Variants in APAF1 observed in about 807,000 individuals in gnomAD.
APAF1 encodes apoptotic protease-activating factor 1.
A neutral mutation model predicts 152.4 loss-of-function variants in APAF1; 91 were observed. The observed-to-expected ratio is 0.60, with a 90% CI of 0.50 to 0.71. APAF1 has a LOEUF of 0.71. Among genes scored for constraint, APAF1 ranks in the 30% least tolerant of loss-of-function variants. The probability of loss-of-function intolerance (pLI) is 0.00; values close to 1 mark genes in which losing one functional copy is unlikely to be tolerated. For missense variants in APAF1, 1,283 were observed against 1,472.0 expected (o/e 0.87, Z 2.10); for synonymous variants, 484 against 494.1 (o/e 0.98, Z 0.27).
In APAF1 at chr12:98,725,493, G is replaced by A. The variant is rs2097749122; in HGVS notation, c.3409G>A (p.Val1137Met). 1 of 1,614,052 alleles carries A rather than the reference G, an allele frequency of 6.2e-7. No individual in the cohort carries two copies. Among genetic ancestry groups the A allele is most frequent in the Admixed American group, 1.7e-5 (1 of 60,004 alleles). Residue 1137 changes from valine to methionine, a missense_variant, in exon 25 of 27, where the codon GTG becomes ATG. Physicochemically the swap from Val to Met is conservative, Grantham distance 21. Coordinates refer to ENST00000551964, the MANE Select transcript of APAF1 (RefSeq NM_181861.2). ...NGCVRCSAFS[V>M]DSTLLATGDD... is the part of the protein sequence containing the mutation. Reference sequence around the variant, plus strand: ...CTGTGTGCGCTGCTCTGCCTTCTCTGTGGACAGTACCCTGCTGGCAACGGG... The same window carrying A: ...CTGTGTGCGCTGCTCTGCCTTCTCTATGGACAGTACCCTGCTGGCAACGGG...
chr12:98,723,773 A>G lies in APAF1; in HGVS notation c.3330+9A>G, dbSNP rs78804831. 6.6e-5 allele frequency: 107 copies of G among 1,613,800 alleles called. No individual in the cohort carries two copies. In the East Asian group the frequency reaches 2.3e-3, roughly 35 times the overall value. On this transcript the variant is annotated intron_variant, in intron 24 of 26. Transcript: ENST00000551964. Reference sequence around the variant, plus strand: ...CTGACAAGACTGCAAAGGTAGGTCAATCAATTGAAACCATGCATAAAACTT... The same window carrying G: ...CTGACAAGACTGCAAAGGTAGGTCAGTCAATTGAAACCATGCATAAAACTT...
chr12:98,661,397 T>A (rs540914487), intron 5 of APAF1, among the ~76,000 whole-genome samples: 1 of 152,374 alleles, frequency 6.6e-6, no homozygotes, highest in African/African-American at 2.4e-5. Flanking sequence ...CATATTTTTT[T>A]AATCTCTCAG....
chr12:98,655,717 C>T (rs1342146064), intron 4 of APAF1, among the ~76,000 whole-genome samples: 1 of 151,984 alleles, frequency 6.6e-6, no homozygotes. Context: ...AGGCTCAGGT[C>T]ATCCTCCCAC....
At chr12:98,688,236 G>A (rs2097700083) in intron 16 of APAF1, among the ~76,000 whole-genome samples, 1 of 152,004 alleles carries the variant, frequency 6.6e-6, no homozygotes, top group Non-Finnish European at 1.5e-5. Flanking sequence ...TATTATTCCT[G>A]TCTCTATTGT....
chr12:98,687,045 A>G (rs2097698735), intron 16 of APAF1, among the ~76,000 whole-genome samples, 172 bp downstream of exon 16: 1 of 152,198 alleles, frequency 6.6e-6, no homozygotes, highest in South Asian at 2.1e-4. Context: ...ATTGTTTATG[A>G]ATGGTGTACA....
At chr12:98,689,463 A>T (rs60735761) in intron 16 of APAF1, among the ~76,000 whole-genome samples, 10,071 of 93,494 alleles carry the variant, frequency 0.11, 755 homozygotes, top group African/African-American at 0.3. Flanking sequence ...AGAGAGAGAG[A>T]GTGTGTGTGT....
chr12:98,710,951 A>G (rs991950599), intron 20 of APAF1, among the ~76,000 whole-genome samples: 9 of 152,214 alleles, frequency 5.9e-5, no homozygotes, highest in African/African-American at 1.9e-4. Context: ...ATTCAGGAGT[A>G]GATACTGGGA....
chr12:98,710,463 GGA>G (rs1409069463), intron 20 of APAF1, among the ~76,000 whole-genome samples: 1 of 152,150 alleles, frequency 6.6e-6, no homozygotes, highest in Non-Finnish European at 1.5e-5. Flanking sequence ...AAGCTAGAGA[GGA>G]GAGAGAGGAG....
chr12:98,682,202 C>T (rs1046591289), intron 14 of APAF1, among the ~76,000 whole-genome samples: 1 of 151,756 alleles, frequency 6.6e-6, no homozygotes, highest in East Asian at 1.9e-4. Context: ...TACAGGCGGC[C>T]GCCACCGCGC....
chr12:98,654,658 C>T (rs772132639), intron 4 of APAF1, among the ~76,000 whole-genome samples: 60 of 152,132 alleles, frequency 3.9e-4, no homozygotes, highest in Middle Eastern at 3.4e-3. Flanking sequence ...CCCCTCGCCT[C>T]GGCCTCCCAA....
chr12:98,708,724 C>T lies in APAF1; in HGVS notation c.2841+20C>T, dbSNP rs578193557. ...CTGCAAGTGAGTATTTTTTAGAAAA[C>T]AATTGGAAAATTGTTTTGGTTGAAT... is the stretch of plus-strand genomic sequence containing the variant. On this transcript the variant is annotated intron_variant, in intron 20 of 26. Transcript: ENST00000551964. 1.9e-6 allele frequency: 3 copies of T among 1,609,548 alleles called. No individual in the cohort carries two copies. The highest frequency in any genetic ancestry group is 2.5e-6 in the Non-Finnish European group (3 of 1,177,528).
intron 22 of APAF1, among the ~76,000 whole-genome samples, chr12:98,719,891 T>C (rs1027722256): frequency 1.3e-5 from 2 of 152,184 alleles, no homozygotes; most frequent in Non-Finnish European, 2.9e-5. Context: ...TTTAATTGTA[T>C]TGTTAAAAAC....
rs370928764 is a variant in APAF1, at chr12:98,659,192, G to C, written c.559G>C (p.Val187Leu). The C allele has an allele frequency of 6.2e-7, 1 of 1,614,204 alleles. No homozygotes were observed. The highest frequency in any genetic ancestry group is 8.5e-7 in the Non-Finnish European group (1 of 1,180,042). ...CFPGGVHWVS[V>L]GKQDKSGLLM... ...CCCAGGGGGAGTGCATTGGGTTTCA[G>C]TTGGGAAACAAGACAAATCTGGGCT... The change falls in exon 5 of 27, where the codon GTT (valine) becomes CTT (leucine). Residue 187 changes from valine (V) to leucine (L), a missense_variant. Val to Leu is a conservative substitution (Grantham distance 32). Coordinates refer to ENST00000551964, the MANE Select transcript of APAF1 (RefSeq NM_181861.2).
chr12:98,654,513 TC>T (rs2097653857), intron 4 of APAF1, among the ~76,000 whole-genome samples: 1 of 152,066 alleles, frequency 6.6e-6, no homozygotes, highest in Non-Finnish European at 1.5e-5. Flanking sequence ...CTCTTGACAG[TC>T]CCCCTGCCTC....
At chr12:98,692,151 C>T (rs1239741703) in intron 16 of APAF1, among the ~76,000 whole-genome samples, 1 of 152,132 alleles carries the variant, frequency 6.6e-6, no homozygotes, top group Non-Finnish European at 1.5e-5. Flanking sequence ...GGCGCGATCT[C>T]GGCTCACTGC....
At chr12:98,700,042 C>A (rs2097713739) in intron 17 of APAF1, among the ~76,000 whole-genome samples, 1 of 151,952 alleles carries the variant, frequency 6.6e-6, no homozygotes, top group Non-Finnish European at 1.5e-5. Context: ...AATGACTGAA[C>A]AAGATAGTGA....
chr12:98,686,654 C>T (rs2097698338), intron 15 of APAF1, 94 bp from the exon 16 acceptor site: 4 of 1,272,544 alleles, frequency 3.1e-6, no homozygotes, highest in Middle Eastern at 2.5e-4. Context: ...AATCAAAAAG[C>T]TTAAATGAGA....
intron 15 of APAF1, among the ~76,000 whole-genome samples, chr12:98,685,835 C>T (rs1335002371): frequency 6.6e-6 from 1 of 151,684 alleles, no homozygotes; most frequent in Non-Finnish European, 1.5e-5. Flanking sequence ...TGGGGTTTTG[C>T]TATGGTGGTC....
intron 22 of APAF1, among the ~76,000 whole-genome samples, chr12:98,717,415 G>T (rs1352635927): frequency 6.8e-6 from 1 of 147,934 alleles, no homozygotes; most frequent in Admixed American, 6.8e-5. Context: ...CACTCTTGTT[G>T]CCTAGGCTGG....
Sources: allele counts gnomAD v4.1 joint callset (sites outside exome capture counted in the v4.1 genomes callset), GRCh38; gene constraint gnomAD v4.1.1; transcripts MANE v1.5; gene names NCBI Gene and HGNC (gene_info 2026-07-23, HGNC 2026-07-21).